Variants in TBC1D2 observed in about 807,000 individuals in gnomAD.
The protein encoded by TBC1D2 is TBC1 domain family member 2A.
Under a neutral mutation model 91.1 loss-of-function variants are expected in TBC1D2, and 58 were observed. That is an observed-to-expected ratio of 0.64 (90% CI 0.52 to 0.79). The LOEUF is 0.79. TBC1D2 is among the 30% of genes least tolerant of loss of function. The pLI, the probability that TBC1D2 is intolerant of heterozygous loss-of-function variation, is 0.00. For synonymous variants in TBC1D2, 482 were observed against 511.5 expected (o/e 0.94, Z 0.78); for missense variants, 1,080 against 1,208.3 (o/e 0.89, Z 1.57).
At chr9:98,201,802 C>G (rs987588204) in intron 10 of TBC1D2, 138 bp from the exon 11 acceptor site, 22 of 787,086 alleles carry the variant, frequency 2.8e-5, no homozygotes, top group Non-Finnish European at 4.3e-5. Flanking sequence ...CCAGGAGACA[C>G]CTCGGGGAGC....
At chr9:98,252,038 A>AC (rs1829884826) in intron 1 of TBC1D2, 112 bp from the exon 2 acceptor site, 4 of 1,395,992 alleles carry the variant, frequency 2.9e-6, no homozygotes, top group Non-Finnish European at 3.8e-6. Context: ...CCCAGGAAAA[A>AC]AAAAAGGGGG....
At chr9:98,200,439 G>A in intron 11 of TBC1D2, 65 bp from the exon 12 acceptor site, 2 of 1,508,562 alleles carry the variant, frequency 1.3e-6, no homozygotes, top group Non-Finnish European at 9.0e-7. Context: ...CCGGAGGGAG[G>A]GAACCTGACA....
chr9:98,208,442 C>T (rs1162634699), intron 9 of TBC1D2, among the ~76,000 whole-genome samples: 3 of 152,182 alleles, frequency 2.0e-5, no homozygotes, highest in African/African-American at 7.2e-5. Context: ...CTAGATCCCT[C>T]GCATGCAGAG....
chr9:98,199,514 T>C lies in TBC1D2; in HGVS notation c.2654A>G (p.His885Arg). 1 of 1,614,090 alleles carries C rather than the reference T, an allele frequency of 6.2e-7. No homozygotes were observed. Among genetic ancestry groups the C allele is most frequent in the Non-Finnish European group, 8.5e-7 (1 of 1,180,014 alleles). ...CAGCTCAGCCTCCAGCCGCTCCCGG[T>C]GGACCATGCGCAGCTGCCGCAGCTG... is the stretch of plus-strand genomic sequence containing the variant. Reference protein sequence around the residue: ...MKQLRQLRMVHRERLEAELRE... With the variant: ...MKQLRQLRMVRRERLEAELRE... The change falls in exon 13 of 13, where the codon CAC (histidine) becomes CGC (arginine). Residue 885 changes from histidine to arginine, a missense_variant. Physicochemically the swap from His to Arg is conservative, Grantham distance 29 (BLOSUM62 0). Coordinates refer to ENST00000465784, the MANE Select transcript of TBC1D2 (RefSeq NM_001267571.2).
rs978075962 is a variant in TBC1D2 at position 98,228,148 on chromosome 9, C to A, written c.978+804G>T. Reference sequence around the variant, plus strand: ...AAAGGAGTCTGGGCCCTCACTGGAGCCCGCCACTGCCACCACAGGTCCTAC... The same window carrying A: ...AAAGGAGTCTGGGCCCTCACTGGAGACCGCCACTGCCACCACAGGTCCTAC... On this transcript the variant is annotated intron_variant, in intron 5 of 12. Transcript: ENST00000465784. The surrounding 1 kb of genome is among the most constrained non-coding windows in gnomAD (Gnocchi z 4.0). Among the ~76,000 whole-genome samples the A allele has an allele frequency of 2.2e-4, 33 of 152,310 alleles. No homozygotes were observed. Among genetic ancestry groups the A allele is most frequent in the African/African-American group, 7.5e-4 (31 of 41,576 alleles).
At chr9:98,247,727 T>TAAA (rs1588066642) in intron 2 of TBC1D2, among the ~76,000 whole-genome samples, 1 of 41,184 alleles carries the variant, frequency 2.4e-5, no homozygotes, top group African/African-American at 1.4e-4. Context: ...AGACTCCGTC[T>TAAA]CAAAAAAAAA....
chr9:98,245,504 T>C (rs1804541439), intron 2 of TBC1D2, among the ~76,000 whole-genome samples: 1 of 151,820 alleles, frequency 6.6e-6, no homozygotes, highest in African/African-American at 2.4e-5. Flanking sequence ...GAGGTGGAGG[T>C]TGCAGTGAGC....
chr9:98,229,178 G>T, intron 4 of TBC1D2, 30 bp from the exon 5 acceptor site: 2 of 1,605,796 alleles, frequency 1.2e-6, no homozygotes, highest in South Asian at 2.2e-5. Flanking sequence ...CAGAAGTTAT[G>T]ACTGATGACA....
At position 98,213,128 on chromosome 9, in the gene TBC1D2, CCTT is replaced by C. The variant is rs1456402399; in HGVS notation, c.1462_1464del (p.Lys488del). On this transcript the variant is annotated inframe_deletion, in exon 7 of 13. Coordinates refer to ENST00000465784, the MANE Select transcript of TBC1D2 (RefSeq NM_001267571.2). ...CGCACCTTCGTCAGAAGGGCCTTCT[CCTT>C]CTCAGCCACCTTTCTCCAGATCTTT... The C allele has an allele frequency of 6.2e-7, 1 of 1,614,136 alleles. No individual in the cohort carries two copies.
At chr9:98,253,069 C>T (rs778815981) in intron 1 of TBC1D2, among the ~76,000 whole-genome samples, 1 of 152,182 alleles carries the variant, frequency 6.6e-6, no homozygotes, top group Non-Finnish European at 1.5e-5. Flanking sequence ...CAGCCGAACC[C>T]AAATACCCCA....
At position 98,203,390 on chromosome 9, in the gene TBC1D2, C is replaced by G. The variant is rs779355536; in HGVS notation, c.2169G>C (p.Leu723=). 6.2e-7 allele frequency: 1 copy of G among 1,614,212 alleles called. No individual in the cohort carries two copies. The highest frequency in any genetic ancestry group is 8.5e-7 in the Non-Finnish European group (1 of 1,180,042). Residue 723 remains leucine (L), a synonymous_variant, in exon 10 of 13, where the codon CTG becomes CTC. Coordinates refer to ENST00000465784, the MANE Select transcript of TBC1D2 (RefSeq NM_001267571.2). ...QGLNRLAAIA[L]LVLEEEESAF... ...CGCTCTCCTCCTCCTCTAGGACCAG[C>G]AGGGCAATGGCCGCCAGCCTGGAGT...
chr9:98,238,924 T>C (rs930483829), intron 3 of TBC1D2, among the ~76,000 whole-genome samples: 26 of 151,994 alleles, frequency 1.7e-4, no homozygotes, highest in Non-Finnish European at 3.2e-4. Flanking sequence ...GATTTCACCA[T>C]ATTGGCCAGG....
rs1829880061 is a variant in TBC1D2 at position 98,251,833 on chromosome 9, G to A, written c.463C>T (p.Pro155Ser). 1 of 1,605,302 alleles carries A rather than the reference G, an allele frequency of 6.2e-7. No individual in the cohort carries two copies. Among genetic ancestry groups the A allele is most frequent in the Non-Finnish European group, 8.5e-7 (1 of 1,176,348 alleles). ...HNSPPAPPAT[P>S]DAALAGNGPV... ...CCATTCCCAGCCAGGGCGGCATCAGGGGTGGCAGGAGGTGCCGGCGGGCTG... is the reference window on the plus strand; with the variant it reads ...CCATTCCCAGCCAGGGCGGCATCAGAGGTGGCAGGAGGTGCCGGCGGGCTG... The change falls in exon 2 of 13, where the codon CCT becomes TCT. Residue 155 changes from proline (P) to serine (S), a missense_variant. Physicochemically the swap from Pro to Ser is moderately conservative, Grantham distance 74. Transcript: ENST00000465784.
chr9:98,212,323 A>C (rs1828864297), intron 7 of TBC1D2, among the ~76,000 whole-genome samples: 1 of 151,310 alleles, frequency 6.6e-6, no homozygotes, highest in Non-Finnish European at 1.5e-5. Flanking sequence ...CCTGCCCCCC[A>C]CCTCTCAGAC....
At chr9:98,234,055 ATCTTTCCCTGCTTGCTC>A (rs1829442497) in intron 3 of TBC1D2, among the ~76,000 whole-genome samples, 1 of 152,126 alleles carries the variant, frequency 6.6e-6, no homozygotes, top group Non-Finnish European at 1.5e-5. Flanking sequence ...ATCTCCTGGC[ATCTTTCCCTGCTTGCTC>A]TCTTTCCCTG....
rs556589315 is a variant in TBC1D2, at chr9:98,234,086, A to T, written c.648-537T>A. Among the ~76,000 whole-genome samples, 9 of 152,330 alleles carry T rather than the reference A, an allele frequency of 5.9e-5. No homozygotes were observed. In the South Asian group the frequency reaches 1.5e-3, roughly 25 times the overall value. ...CCCTGCTTGCTCTCTTTCCCTGCTC[A>T]GATCTGTCCTCTGTGCAGCCTTCAC... On this transcript the variant is annotated intron_variant, in intron 3 of 12. Coordinates refer to ENST00000465784, the MANE Select transcript of TBC1D2 (RefSeq NM_001267571.2).
chr9:98,230,054 C>T (rs1829329407), intron 4 of TBC1D2, among the ~76,000 whole-genome samples: 1 of 152,298 alleles, frequency 6.6e-6, no homozygotes, highest in East Asian at 1.9e-4. Flanking sequence ...CCTTGTCCTG[C>T]CCTGACCCAG....
chr9:98,230,421 T>A (rs1373721006), intron 4 of TBC1D2, among the ~76,000 whole-genome samples: 2 of 152,322 alleles, frequency 1.3e-5, no homozygotes, highest in African/African-American at 4.8e-5. Flanking sequence ...TGCAGGAGTA[T>A]GCATTTTAGT....
chr9:98,211,842 A>C (rs1828850121), intron 7 of TBC1D2, among the ~76,000 whole-genome samples: 1 of 151,286 alleles, frequency 6.6e-6, no homozygotes, highest in East Asian at 1.9e-4. Context: ...CTGTCATCCA[A>C]GCTGGAGTGC....
Sources: allele counts gnomAD v4.1 joint callset (sites outside exome capture counted in the v4.1 genomes callset), GRCh38; gene constraint gnomAD v4.1.1; non-coding constraint Gnocchi (gnomAD v3.1); transcripts MANE v1.5; gene names NCBI Gene and HGNC (gene_info 2026-07-23, HGNC 2026-07-21).